Variants in SCAPER observed in about 807,000 individuals in gnomAD.
SCAPER encodes the protein S phase cyclin A-associated protein in the endoplasmic reticulum.
SCAPER carries 98 observed loss-of-function variants against 182.2 expected under a neutral mutation model. The ratio of observed to expected loss-of-function variants is 0.54; its 90% CI spans 0.46 to 0.64. The LOEUF (loss-of-function observed/expected upper bound fraction) is 0.64, where lower values mean the gene tolerates loss of function less well. Among genes scored for constraint, SCAPER ranks in the 30% least tolerant of loss-of-function variants. The probability of loss-of-function intolerance (pLI) is 0.00; values close to 1 mark genes in which losing one functional copy is unlikely to be tolerated. For synonymous variants in SCAPER, 605 were observed against 564.6 expected, an observed-to-expected ratio of 1.07 and a Z score of -1.01; for missense variants, 1,432 against 1,690.0, an observed-to-expected ratio of 0.85 and a Z score of 2.68.
At chr15:76,814,166 T>A (rs1218985281) in intron 5 of SCAPER, among the ~76,000 whole-genome samples, 1 of 151,254 alleles carries the variant, frequency 6.6e-6, no homozygotes, top group African/African-American at 2.4e-5. Flanking sequence ...AGACTCCATC[T>A]CAAAAAAAAA....
intron 21 of SCAPER, among the ~76,000 whole-genome samples, chr15:76,659,101 A>T (rs907100952): frequency 6.6e-6 from 1 of 152,200 alleles, no homozygotes; most frequent in Non-Finnish European, 1.5e-5. Flanking sequence ...AAGAGTTTCC[A>T]CACAAGTAAA....
At chr15:76,869,654 G>A (rs2072550059) in intron 2 of SCAPER, among the ~76,000 whole-genome samples, 1 of 152,092 alleles carries the variant, frequency 6.6e-6, no homozygotes, top group Admixed American at 6.5e-5. Context: ...TACACTGTTG[G>A]TGGAAATGAA....
At chr15:76,879,300 T>C (rs2073383123) in intron 2 of SCAPER, among the ~76,000 whole-genome samples, 1 of 152,208 alleles carries the variant, frequency 6.6e-6, no homozygotes, top group African/African-American at 2.4e-5. Context: ...AATAGTTCAA[T>C]TTTTGTTGGG....
intron 8 of SCAPER, 138 bp from the exon 9 acceptor site, chr15:76,775,255 ATGTATATT>A: frequency 1.4e-6 from 1 of 726,014 alleles, no homozygotes; most frequent in Non-Finnish European, 2.1e-6. Flanking sequence ...ATTATACAAA[ATGTATATT>A]TGTATATACA....
intron 2 of SCAPER, among the ~76,000 whole-genome samples, chr15:76,878,427 T>C (rs1416131482): frequency 6.6e-6 from 1 of 150,926 alleles, no homozygotes; most frequent in Non-Finnish European, 1.5e-5. Context: ...GATTTTCAGG[T>C]AGAAAGAAAT....
rs114316970 is a variant in SCAPER at position 76,853,243 on chromosome 15, A to G, written c.195+4566T>C. Among the ~76,000 whole-genome samples, 1,231 of 152,338 alleles carry G rather than the reference A, an allele frequency of 8.1e-3. 13 individuals carry two copies. Among genetic ancestry groups the G allele is most frequent in the African/African-American group, 0.028 (1,167 of 41,566 alleles). On this transcript the variant is annotated intron_variant, in intron 4 of 31. Coordinates refer to ENST00000563290, the MANE Select transcript of SCAPER (RefSeq NM_020843.4). ...GAAGGATTCACAGCCAAATTCTACCAGATATACAAAGAAAAGCTGGTACTA... is the reference window on the plus strand; with the variant it reads ...GAAGGATTCACAGCCAAATTCTACCGGATATACAAAGAAAAGCTGGTACTA...
chr15:76,559,257 T>C (rs1398339666), intron 23 of SCAPER, among the ~76,000 whole-genome samples: 1 of 148,598 alleles, frequency 6.7e-6, no homozygotes, highest in Non-Finnish European at 1.5e-5. Flanking sequence ...GGTTTCACCA[T>C]GTTGGCCAGG....
Position 76,766,993 on chromosome 15 carries a change from T to G in SCAPER, c.1344A>C (p.Glu448Asp). The G allele has an allele frequency of 6.2e-7, 1 of 1,608,390 alleles. No individual in the cohort carries two copies. The highest frequency in any genetic ancestry group is 8.5e-7 in the Non-Finnish European group (1 of 1,176,902). Residue 448 changes from glutamate to aspartate, a missense_variant, in exon 11 of 32, where the codon GAA (glutamate) becomes GAC (aspartate). Transcript: ENST00000563290. ...CAGCTTCAATTTCTCTAGTTAACTG[T>G]TCTTCTTCAGCAATAGCACTAGCAA... ...EAIASAIAEE[E>D]QLTREIEAEE... is the part of the protein sequence containing the mutation.
rs868394939 is a variant in SCAPER at position 76,353,483 on chromosome 15, G to A, written c.4047+466C>T. On this transcript the variant is annotated intron_variant, in intron 30 of 31. Transcript: ENST00000563290. ...AAATATAAGGCTGTACTTAAAAGTT[G>A]TTTTACATTAAAAAAATCAATATAA... Among the ~76,000 whole-genome samples the A allele has an allele frequency of 1.1e-4, 17 of 151,872 alleles. No homozygotes were observed. In the South Asian group the frequency reaches 3.5e-3, roughly 32 times the overall value.
chr15:76,785,681 G>A (rs1051783660), intron 8 of SCAPER, among the ~76,000 whole-genome samples: 72 of 152,274 alleles, frequency 4.7e-4, no homozygotes, highest in Middle Eastern at 3.4e-3. Context: ...TACACACCAC[G>A]GAATACTATG....
At chr15:76,371,821 G>A (rs1407687179) in intron 29 of SCAPER, among the ~76,000 whole-genome samples, 1 of 151,892 alleles carries the variant, frequency 6.6e-6, no homozygotes, top group African/African-American at 2.4e-5. Flanking sequence ...AGGAGGCTGA[G>A]GCAGGAGAAT....
At chr15:76,398,926 A>C (rs1159320879) in intron 27 of SCAPER, among the ~76,000 whole-genome samples, 1 of 152,204 alleles carries the variant, frequency 6.6e-6, no homozygotes, top group African/African-American at 2.4e-5. Context: ...TTACTGATTA[A>C]GTTAACAGCC....
At chr15:76,672,973 G>GA (rs1209199902) in intron 20 of SCAPER, among the ~76,000 whole-genome samples, 2 of 150,986 alleles carry the variant, frequency 1.3e-5, no homozygotes, top group East Asian at 1.9e-4. Context: ...CATTTAGGGG[G>GA]AAAAAAAACA....
intron 15 of SCAPER, among the ~76,000 whole-genome samples, chr15:76,746,881 G>A (rs866611321): frequency 6.6e-6 from 1 of 152,104 alleles, no homozygotes; most frequent in African/African-American, 2.4e-5. Flanking sequence ...ATAAACAGAA[G>A]GAAATTCCAC....
intron 27 of SCAPER, among the ~76,000 whole-genome samples, chr15:76,401,823 G>C (rs548649225): frequency 1.3e-5 from 2 of 152,148 alleles, no homozygotes; most frequent in African/African-American, 2.4e-5. Flanking sequence ...ACAGGGAAGG[G>C]AGAAAACTCA....
chr15:76,850,087 T>C lies in SCAPER; in HGVS notation c.195+7722A>G, dbSNP rs919405358. On this transcript the variant is annotated intron_variant, in intron 4 of 31. Transcript: ENST00000563290. Reference sequence around the variant, plus strand: ...GGATTATGGGGATTACAATTCAAGGTGAGATTTGGGTGGGGACACAGAGCC... The same window carrying C: ...GGATTATGGGGATTACAATTCAAGGCGAGATTTGGGTGGGGACACAGAGCC... Among the ~76,000 whole-genome samples, 4 of 152,120 alleles carry C rather than the reference T, an allele frequency of 2.6e-5. No individual in the cohort carries two copies. In the East Asian group the frequency reaches 5.8e-4, roughly 22 times the overall value.
intron 17 of SCAPER, among the ~76,000 whole-genome samples, chr15:76,726,752 G>A (rs920008058): frequency 9.9e-5 from 15 of 152,044 alleles, no homozygotes; most frequent in Non-Finnish European, 1.5e-4. Context: ...AATACCGTAT[G>A]ATTCCACTTA....
rs956541499 is a variant in SCAPER at position 76,875,467 on chromosome 15, A to T, written c.6+8345T>A. ...AAGACCACCCTGGCCAATATGGCAA[A>T]ACCCCATCTCTGCTAAAAATACAAA... On this transcript the variant is annotated intron_variant, in intron 2 of 31. Transcript: ENST00000563290. 1.2e-4 allele frequency among the ~76,000 whole-genome samples: 19 copies of T among 152,270 alleles called. 1 individual carries two copies. The highest frequency in any genetic ancestry group is 4.1e-4 in the African/African-American group (17 of 41,540).
At chr15:76,605,062 G>A (rs1257097352) in intron 22 of SCAPER, among the ~76,000 whole-genome samples, 2 of 152,162 alleles carry the variant, frequency 1.3e-5, no homozygotes, top group Non-Finnish European at 2.9e-5. Context: ...ACACTATGTT[G>A]AATAGGAGTG....
Sources: gnomAD v4.1 joint callset for allele counts (sites outside exome capture counted in the v4.1 genomes callset) on GRCh38, gnomAD v4.1.1 for gene constraint, MANE v1.5 for transcripts, NCBI Gene and HGNC (gene_info 2026-07-23, HGNC 2026-07-21) for gene names.